The following ST8SIA1 variants were observed in gnomAD, a reference collection of about 807,000 sequenced individuals.
ST8SIA1 encodes alpha-N-acetylneuraminide alpha-2,8-sialyltransferase.
In ST8SIA1, 16 loss-of-function variants were observed where a neutral mutation model predicts 35.9. That is an observed-to-expected ratio of 0.45 (90% CI 0.30 to 0.68). The LOEUF (loss-of-function observed/expected upper bound fraction) is 0.68, where lower values mean the gene tolerates loss of function less well. ST8SIA1 is among the 30% of genes least tolerant of loss of function. The probability of loss-of-function intolerance (pLI) is 0.09; values close to 1 mark genes in which losing one functional copy is unlikely to be tolerated. For missense variants in ST8SIA1, 383 were observed against 453.6 expected (o/e 0.84, Z 1.41); for synonymous variants, 170 against 169.6 (o/e 1.00, Z -0.02).
intron 1 of ST8SIA1, among the ~76,000 whole-genome samples, chr12:22,310,177 G>T (rs1214400608): frequency 6.6e-6 from 1 of 152,170 alleles, no homozygotes; most frequent in Non-Finnish European, 1.5e-5. Context: ...TATAAATAAG[G>T]TGTATAAAGT....
intron 1 of ST8SIA1, among the ~76,000 whole-genome samples, chr12:22,307,692 T>G (rs1032186122): frequency 1.3e-5 from 2 of 152,238 alleles, no homozygotes; most frequent in Non-Finnish European, 2.9e-5. Flanking sequence ...CAGATATCAC[T>G]AGGCCATCTG....
At chr12:22,213,120 T>A (rs1017849517) in intron 4 of ST8SIA1, among the ~76,000 whole-genome samples, 3 of 152,066 alleles carry the variant, frequency 2.0e-5, no homozygotes, top group Admixed American at 2.0e-4. Context: ...ACTCGGGACA[T>A]GAAGATAGTT....
At chr12:22,263,874 T>G (rs867623105) in intron 2 of ST8SIA1, among the ~76,000 whole-genome samples, 1 of 152,300 alleles carries the variant, frequency 6.6e-6, no homozygotes, top group South Asian at 2.1e-4. Flanking sequence ...AGAGTTTGCT[T>G]TGCAAGCCTT....
At position 22,199,807 on chromosome 12, in the gene ST8SIA1, G is replaced by A. The variant is rs1591821670; in HGVS notation, c.*1745C>T. On this transcript the variant is annotated 3_prime_UTR_variant, in exon 5 of 5. Coordinates refer to ENST00000396037, the MANE Select transcript of ST8SIA1 (RefSeq NM_003034.4). ...TTTACGTGGTAACATGGTATGCTGAGTTTTTACTGTTAAAATTAAACTAGA... is the reference window on the plus strand; with the variant it reads ...TTTACGTGGTAACATGGTATGCTGAATTTTTACTGTTAAAATTAAACTAGA... 1 of 152,114 alleles carries A rather than the reference G, an allele frequency of 6.6e-6. No individual in the cohort carries two copies. The highest frequency in any genetic ancestry group is 2.4e-5 in the African/African-American group (1 of 41,406). 9.4% of individuals were successfully genotyped at this position (152,114 alleles called of 1,614,324 possible). A position where few individuals can be genotyped will look rare whatever the true frequency, so the allele number is the denominator to read the frequency against.
At chr12:22,216,519 G>A (rs1218358848) in intron 4 of ST8SIA1, among the ~76,000 whole-genome samples, 3 of 152,064 alleles carry the variant, frequency 2.0e-5, no homozygotes, top group Admixed American at 2.0e-4. Context: ...CTCAACTCAT[G>A]GTATCTACTA....
Position 22,268,841 on chromosome 12 carries a change from C to G in ST8SIA1, c.382-13452G>C, listed in dbSNP as rs77301692. Among the ~76,000 whole-genome samples the G allele has an allele frequency of 8.8e-3, 1,347 of 152,246 alleles. 18 individuals carry two copies. Among genetic ancestry groups the G allele is most frequent in the African/African-American group, 0.03 (1,250 of 41,566 alleles). On this transcript the variant is annotated intron_variant, in intron 2 of 4. Coordinates refer to ENST00000396037, the MANE Select transcript of ST8SIA1 (RefSeq NM_003034.4). ...CCAAACCAAAACCATATCACCAAAG[C>G]AGCAGGATAAGAAGCTGCTCATGCC...
rs1452699818 is a variant in ST8SIA1 at position 22,196,177 on chromosome 12, G to A, written c.*5375C>T. The A allele has an allele frequency of 1.3e-5, 2 of 152,128 alleles. No individual in the cohort carries two copies. Among genetic ancestry groups the A allele is most frequent in the Non-Finnish European group, 2.9e-5 (2 of 68,032 alleles). 9.4% of individuals were successfully genotyped at this position (152,128 alleles called of 1,614,324 possible). A position where few individuals can be genotyped will look rare whatever the true frequency, so the allele number is the denominator to read the frequency against. ...TTAGAGTCATAGGCTTTGATTATCT[G>A]GCAAATGCTCGCAGGCATGTAAGTC... On this transcript the variant is annotated 3_prime_UTR_variant, in exon 5 of 5. Coordinates refer to ENST00000396037, the MANE Select transcript of ST8SIA1 (RefSeq NM_003034.4).
intron 4 of ST8SIA1, among the ~76,000 whole-genome samples, chr12:22,244,269 C>A (rs1426259537): frequency 1.3e-5 from 2 of 151,986 alleles, no homozygotes; most frequent in Non-Finnish European, 2.9e-5. Context: ...CCTAAGCAAT[C>A]ATTATAAAGT....
Position 22,255,304 on chromosome 12 carries a change from A to G in ST8SIA1, c.467T>C (p.Ile156Thr). 2 of 1,614,106 alleles carry G rather than the reference A, an allele frequency of 1.2e-6. No homozygotes were observed. Among genetic ancestry groups the G allele is most frequent in the Middle Eastern group, 1.6e-4 (1 of 6,062 alleles). The change falls in exon 3 of 5, where the codon ATA (isoleucine) becomes ACA (threonine). Residue 156 changes from isoleucine to threonine, a missense_variant. Transcript: ENST00000396037. ...CCGCATGACAAAATTTGCTTCATCT[A>G]TTTGACGGCCACAGCCACTCTTCTT... ...ILKKSGCGRQ[I>T]DEANFVMRCN...
At chr12:22,295,578 T>C (rs571096804) in intron 1 of ST8SIA1, among the ~76,000 whole-genome samples, 20 of 151,560 alleles carry the variant, frequency 1.3e-4, no homozygotes, top group Non-Finnish European at 2.7e-4. Context: ...ACAAAAAAAA[T>C]TTTTAATTAG....
chr12:22,266,363 T>C (rs901037808), intron 2 of ST8SIA1, among the ~76,000 whole-genome samples: 25 of 151,966 alleles, frequency 1.6e-4, no homozygotes, highest in African/African-American at 5.8e-4. Flanking sequence ...GCACGTGGAA[T>C]TGAAACAAAT....
intron 4 of ST8SIA1, among the ~76,000 whole-genome samples, chr12:22,229,263 G>C (rs1027730705): frequency 6.6e-6 from 1 of 152,092 alleles, no homozygotes; most frequent in Non-Finnish European, 1.5e-5. Context: ...TAATGTAAAA[G>C]TGATATTAAC....
intron 1 of ST8SIA1, among the ~76,000 whole-genome samples, chr12:22,316,881 C>T (rs1429579435): frequency 6.6e-6 from 1 of 151,860 alleles, no homozygotes. Flanking sequence ...TATATATTGG[C>T]AAAATTGTTT....
intron 1 of ST8SIA1, among the ~76,000 whole-genome samples, chr12:22,299,216 T>TA (rs34617030): frequency 3.9e-5 from 6 of 152,072 alleles, no homozygotes; most frequent in African/African-American, 7.2e-5. Context: ...ACATTCTTTC[T>TA]AAAAAAAGTG....
At chr12:22,268,550 G>C (rs1323039469) in intron 2 of ST8SIA1, 4 of 152,200 alleles carry the variant, frequency 2.6e-5, no homozygotes, top group African/African-American at 4.8e-5. Context: ...AAACAATCAC[G>C]GCAGAAGGGG....
Position 22,199,705 on chromosome 12 carries a change from G to A in ST8SIA1, c.*1847C>T, listed in dbSNP as rs1301924817. On this transcript the variant is annotated 3_prime_UTR_variant, in exon 5 of 5. Transcript: ENST00000396037. ...GCATTTAGAAATGGTCTACTTCAAT[G>A]ATGTAGAATTTTGCCAAGGGCTTTC... is the stretch of plus-strand genomic sequence containing the variant. The A allele has an allele frequency of 6.6e-6, 1 of 152,062 alleles. No individual in the cohort carries two copies. 9.4% of individuals were successfully genotyped at this position (152,062 alleles called of 1,614,324 possible).
intron 4 of ST8SIA1, among the ~76,000 whole-genome samples, chr12:22,206,017 G>T (rs1472652355): frequency 6.6e-6 from 1 of 152,048 alleles, no homozygotes; most frequent in Non-Finnish European, 1.5e-5. Flanking sequence ...AATTAATCTT[G>T]AAAGAATTTC....
intron 4 of ST8SIA1, among the ~76,000 whole-genome samples, chr12:22,224,202 G>A (rs1208176630): frequency 1.3e-5 from 2 of 151,804 alleles, no homozygotes; most frequent in East Asian, 3.9e-4. Flanking sequence ...CAAGCCAACT[G>A]TATTTACTCC....
Position 22,315,199 on chromosome 12 carries a change from G to A in ST8SIA1, c.236+18798C>T, listed in dbSNP as rs185233730. On this transcript the variant is annotated intron_variant, in intron 1 of 4. Coordinates refer to ENST00000396037, the MANE Select transcript of ST8SIA1 (RefSeq NM_003034.4). ...CATAGTAGAAACTCAATAATGACTC[G>A]TTGAATTTAAAAAAAAAAAGTGCTA... Among the ~76,000 whole-genome samples, 428 of 151,374 alleles carry A rather than the reference G, an allele frequency of 2.8e-3. 2 individuals are homozygous for A. Among genetic ancestry groups the A allele is most frequent in the South Asian group, 0.018 (84 of 4,776 alleles).
Sources: allele counts gnomAD v4.1 joint callset (sites outside exome capture counted in the v4.1 genomes callset), GRCh38; gene constraint gnomAD v4.1.1; transcripts MANE v1.5; gene names NCBI Gene and HGNC (gene_info 2026-07-23, HGNC 2026-07-21).